Variants in ETV6 observed in about 807,000 individuals in gnomAD.
ETV6 encodes transcription factor ETV6.
In ETV6, 16 loss-of-function variants were observed where a neutral mutation model predicts 51.1. The observed-to-expected ratio is 0.31, with a 90% CI of 0.21 to 0.48. The LOEUF is 0.48. Ranked by LOEUF, ETV6 falls within the 20% of genes least tolerant of loss-of-function variation. ETV6 has a pLI of 0.99. For missense variants in ETV6, 458 were observed against 594.8 expected (o/e 0.77, Z 2.39); for synonymous variants, 240 against 224.1 (o/e 1.07, Z -0.64).
Position 11,869,300 on chromosome 12 carries a change from C to T in ETV6, c.464-124C>T. On this transcript the variant is annotated intron_variant, in intron 4 of 7. Coordinates refer to ENST00000396373, the MANE Select transcript of ETV6 (RefSeq NM_001987.5). The surrounding 1 kb of genome is among the most constrained non-coding windows in gnomAD (Gnocchi z 5.0). ...TAAGCAGTGAAAAAGACACTGCATTCTGGGGAGAAAGGTCCTTTACACATA... is the reference window on the plus strand; with the variant it reads ...TAAGCAGTGAAAAAGACACTGCATTTTGGGGAGAAAGGTCCTTTACACATA... The T allele has an allele frequency of 2.5e-6, 2 of 809,732 alleles. No individual in the cohort carries two copies. The highest frequency in any genetic ancestry group is 2.0e-6 in the Non-Finnish European group (1 of 509,286). The allele number at this position is 809,732 out of a possible 1,614,324, so 50.2% of individuals were successfully genotyped here. A position where few individuals can be genotyped will look rare whatever the true frequency, so the allele number is the denominator to read the frequency against.
intron 1 of ETV6, among the ~76,000 whole-genome samples, chr12:11,747,374 G>T (rs1044931016): frequency 6.6e-6 from 1 of 152,056 alleles, no homozygotes; most frequent in Non-Finnish European, 1.5e-5. Flanking sequence ...ATACCATCTT[G>T]GATGTCTAAA....
chr12:11,778,186 C>T (rs752212375), intron 2 of ETV6, among the ~76,000 whole-genome samples: 4 of 152,234 alleles, frequency 2.6e-5, no homozygotes, highest in Non-Finnish European at 2.9e-5. Flanking sequence ...CGATGCTTAT[C>T]TCATGCAGTT....
At chr12:11,721,415 C>T (rs1865384283) in intron 1 of ETV6, among the ~76,000 whole-genome samples, 1 of 152,164 alleles carries the variant, frequency 6.6e-6, no homozygotes, top group Admixed American at 6.5e-5. Context: ...TCCTTTATAG[C>T]AACATGGGTA....
intron 1 of ETV6, among the ~76,000 whole-genome samples, chr12:11,697,548 C>G (rs1445597132): frequency 1.3e-5 from 2 of 152,286 alleles, no homozygotes; most frequent in East Asian, 3.9e-4. Context: ...CTCCAAGGAC[C>G]TGTCTTACTT....
chr12:11,777,628 C>T (rs1182787256), intron 2 of ETV6, among the ~76,000 whole-genome samples: 1 of 152,118 alleles, frequency 6.6e-6, no homozygotes, highest in African/African-American at 2.4e-5. Context: ...TGTCTTCCTG[C>T]TGTAAGTAGG....
chr12:11,814,225 T>C (rs1038045780), intron 2 of ETV6, among the ~76,000 whole-genome samples: 1 of 152,370 alleles, frequency 6.6e-6, no homozygotes, highest in South Asian at 2.1e-4. Context: ...GAGTTTTTCA[T>C]GTTAAGTGTC....
intron 2 of ETV6, among the ~76,000 whole-genome samples, chr12:11,773,123 G>C (rs1945266557): frequency 6.6e-6 from 1 of 151,400 alleles, no homozygotes. Flanking sequence ...GAACCCGGGA[G>C]GCAGAGCTTG....
intron 1 of ETV6, among the ~76,000 whole-genome samples, chr12:11,711,495 A>G (rs951585780): frequency 2.0e-5 from 3 of 152,166 alleles, no homozygotes; most frequent in Non-Finnish European, 2.9e-5. Flanking sequence ...TTCTTCATAC[A>G]TCGTGGTTCC....
intron 4 of ETV6, among the ~76,000 whole-genome samples, chr12:11,865,205 C>T (rs1270515824): frequency 6.8e-6 from 1 of 146,274 alleles, no homozygotes; most frequent in Non-Finnish European, 1.5e-5. Flanking sequence ...GAGCAGAGAT[C>T]ACGCCACTGC....
intron 2 of ETV6, among the ~76,000 whole-genome samples, chr12:11,793,089 A>G (rs908958112): frequency 1.3e-5 from 2 of 151,976 alleles, no homozygotes; most frequent in African/African-American, 4.8e-5. Flanking sequence ...AAAAAAAAAA[A>G]CCTTAACATA....
chr12:11,744,026 C>A (rs146184830), intron 1 of ETV6, among the ~76,000 whole-genome samples: 1 of 152,210 alleles, frequency 6.6e-6, no homozygotes, highest in Non-Finnish European at 1.5e-5. Flanking sequence ...TTGCTTTCAT[C>A]CTTTCCTTCT....
chr12:11,767,027 T>C (rs190076876), intron 2 of ETV6, among the ~76,000 whole-genome samples: 3 of 152,318 alleles, frequency 2.0e-5, no homozygotes, highest in Admixed American at 1.3e-4. Context: ...TAAATTTTTT[T>C]CTTTAATGGA....
intron 2 of ETV6, among the ~76,000 whole-genome samples, chr12:11,790,560 A>G (rs2723825): frequency 0.88 from 134,094 of 152,116 alleles, 60,143 homozygotes; most frequent in Non-Finnish European, 0.97. Flanking sequence ...CTAGGAGCAC[A>G]GTGGGAGAAG....
chr12:11,895,289 GA>G lies in ETV6; in HGVS notation c.*4253del, dbSNP rs71057779. 105 of 187,102 alleles carry G rather than the reference GA, an allele frequency of 5.6e-4. No individual in the cohort carries two copies. The highest frequency in any genetic ancestry group is 1.5e-3 in the African/African-American group (50 of 33,380). 11.6% of individuals were successfully genotyped at this position (187,102 alleles called of 1,614,324 possible). On this transcript the variant is annotated 3_prime_UTR_variant, in exon 8 of 8. Coordinates refer to ENST00000396373, the MANE Select transcript of ETV6 (RefSeq NM_001987.5). ...TGAATCAAATGAATGTAACAAAAAA[GA>G]AAAAAAAAACAAAAAAAAATGCCTT... is the stretch of plus-strand genomic sequence containing the variant.
chr12:11,670,634 C>T (rs1317296705), intron 1 of ETV6, among the ~76,000 whole-genome samples: 1 of 152,148 alleles, frequency 6.6e-6, no homozygotes, highest in Non-Finnish European at 1.5e-5. Flanking sequence ...ATTTTAGGAA[C>T]AAAAGCAGAG....
intron 2 of ETV6, among the ~76,000 whole-genome samples, chr12:11,821,434 T>A (rs1169298378): frequency 1.2e-4 from 18 of 152,060 alleles, no homozygotes; most frequent in Non-Finnish European, 1.2e-4. Flanking sequence ...ACAGAAAGAA[T>A]GGAGTTTGCC....
At chr12:11,861,507 A>G (rs553834339) in intron 4 of ETV6, among the ~76,000 whole-genome samples, 84 of 152,038 alleles carry the variant, frequency 5.5e-4, no homozygotes, top group African/African-American at 2.0e-3. Flanking sequence ...TACAGGAGGG[A>G]CCCCTCACCC....
At chr12:11,867,172 C>G (rs1214079044) in intron 4 of ETV6, among the ~76,000 whole-genome samples, 2 of 152,160 alleles carry the variant, frequency 1.3e-5, no homozygotes, top group African/African-American at 4.8e-5. Flanking sequence ...TGGTTTCTTT[C>G]ATTTCTACCC....
intron 1 of ETV6, among the ~76,000 whole-genome samples, chr12:11,680,704 C>T (rs914943204): frequency 9.2e-5 from 14 of 152,148 alleles, no homozygotes; most frequent in Non-Finnish European, 1.0e-4. Flanking sequence ...TTTCCCCAGG[C>T]GTTGGTGATC....
Sources: gnomAD v4.1 joint callset for allele counts (sites outside exome capture counted in the v4.1 genomes callset) on GRCh38, gnomAD v4.1.1 for gene constraint, Gnocchi (gnomAD v3.1) non-coding constraint, MANE v1.5 for transcripts, NCBI Gene and HGNC (gene_info 2026-07-23, HGNC 2026-07-21) for gene names.